ZFPM2: variants seen among roughly 807,000 people sequenced by gnomAD.
ZFPM2 encodes the protein zinc finger protein ZFPM2.
Under a neutral mutation model 98.6 loss-of-function variants are expected in ZFPM2, and 20 were observed. The ratio of observed to expected loss-of-function variants is 0.20; its 90% CI spans 0.14 to 0.29. The LOEUF is 0.29. Among genes scored for constraint, ZFPM2 ranks in the 10% least tolerant of loss-of-function variants. The pLI, the probability that ZFPM2 is intolerant of heterozygous loss-of-function variation, is 1.00. For missense variants in ZFPM2, 1,310 were observed against 1,388.6 expected (o/e 0.94, Z 0.90); for synonymous variants, 518 against 502.7 (o/e 1.03, Z -0.41).
chr8:105,552,427 A>T (rs1814878223), intron 3 of ZFPM2, among the ~76,000 whole-genome samples: 1 of 152,114 alleles, frequency 6.6e-6, no homozygotes, highest in Non-Finnish European at 1.5e-5. Flanking sequence ...GTGACACGGG[A>T]TGTTGTCTAG....
At chr8:105,570,588 T>A (rs1313267946) in intron 4 of ZFPM2, among the ~76,000 whole-genome samples, 1 of 152,164 alleles carries the variant, frequency 6.6e-6, no homozygotes, top group African/African-American at 2.4e-5. Flanking sequence ...GGTATTGAAA[T>A]GAAAACCTGA....
At chr8:105,554,945 A>G (rs1381972406) in intron 3 of ZFPM2, among the ~76,000 whole-genome samples, 2 of 152,184 alleles carry the variant, frequency 1.3e-5, no homozygotes, top group Non-Finnish European at 2.9e-5. Context: ...AGCACTTTCA[A>G]AGAAAAAATA....
chr8:105,748,667 C>T (rs534183766), intron 5 of ZFPM2, among the ~76,000 whole-genome samples: 5 of 151,830 alleles, frequency 3.3e-5, no homozygotes, highest in South Asian at 2.1e-4. Context: ...AAAATATCTC[C>T]GAAAAAAATG....
intron 3 of ZFPM2, among the ~76,000 whole-genome samples, chr8:105,534,775 A>C (rs1311639957): frequency 1.3e-5 from 2 of 152,184 alleles, no homozygotes; most frequent in African/African-American, 4.8e-5. Context: ...CCTTTGACTT[A>C]AGAGGCCTGA....
intron 3 of ZFPM2, among the ~76,000 whole-genome samples, chr8:105,558,899 T>C (rs894249959): frequency 1.8e-4 from 27 of 152,158 alleles, no homozygotes; most frequent in African/African-American, 6.5e-4. Flanking sequence ...AAATAAACTG[T>C]TTTAAATGTA....
intron 1 of ZFPM2, among the ~76,000 whole-genome samples, chr8:105,326,251 C>T (rs1343070161): frequency 6.6e-6 from 1 of 151,648 alleles, no homozygotes; most frequent in Non-Finnish European, 1.5e-5. Context: ...ACAAAATACA[C>T]ACTATTTTGC....
At chr8:105,527,171 T>G (rs1398302817) in intron 3 of ZFPM2, among the ~76,000 whole-genome samples, 2 of 152,158 alleles carry the variant, frequency 1.3e-5, no homozygotes, top group Non-Finnish European at 2.9e-5. Context: ...ACTATGGGTG[T>G]TCTTAGGGAC....
At chr8:105,527,140 G>A (rs115892467) in intron 3 of ZFPM2, among the ~76,000 whole-genome samples, 1,976 of 152,256 alleles carry the variant, frequency 0.013, 46 homozygotes, top group African/African-American at 0.045. Flanking sequence ...CCCTGAGTCT[G>A]GTTCAGACCT....
intron 2 of ZFPM2, among the ~76,000 whole-genome samples, chr8:105,435,742 G>A (rs1305282146): frequency 6.6e-6 from 1 of 151,902 alleles, no homozygotes; most frequent in African/African-American, 2.4e-5. Flanking sequence ...AAATAAAATT[G>A]TATTTATAAC....
intron 3 of ZFPM2, among the ~76,000 whole-genome samples, chr8:105,501,736 C>A (rs1335512374): frequency 6.6e-6 from 1 of 151,986 alleles, no homozygotes; most frequent in African/African-American, 2.4e-5. Flanking sequence ...CCACCCGCCT[C>A]AGCCTCCCAA....
In ZFPM2 at chr8:105,801,587, C is replaced by G; in HGVS notation, c.1505C>G (p.Ser502Cys). ...GTGGGCCCTTTCCTATCTCAGTTTTCTTTCCCCCAAGATATCACCATGGTC... is the reference window on the plus strand; with the variant it reads ...GTGGGCCCTTTCCTATCTCAGTTTTGTTTCCCCCAAGATATCACCATGGTC... ...FPVGPFLSQF[S>C]FPQDITMVPQ... The change falls in exon 8 of 8, where the codon TCT (serine) becomes TGT (cysteine). Residue 502 changes from serine (S) to cysteine (C), a missense_variant. Physicochemically the swap from Ser to Cys is moderately radical, Grantham distance 112. Coordinates refer to ENST00000407775, the MANE Select transcript of ZFPM2 (RefSeq NM_012082.4). 2 of 1,613,858 alleles carry G rather than the reference C, an allele frequency of 1.2e-6. No homozygotes were observed. Among genetic ancestry groups the G allele is most frequent in the Non-Finnish European group, 8.5e-7 (1 of 1,179,852 alleles).
intron 5 of ZFPM2, chr8:105,785,341 A>G (rs965429643): frequency 6.9e-6 from 1 of 145,952 alleles, no homozygotes; most frequent in Non-Finnish European, 1.5e-5. Flanking sequence ...ACACACGCAC[A>G]CGCACACTTG....
At chr8:105,598,066 CTTTT>C (rs76865028) in intron 4 of ZFPM2, among the ~76,000 whole-genome samples, 1 of 130,164 alleles carries the variant, frequency 7.7e-6, no homozygotes. Flanking sequence ...AAAAAAAAAC[CTTTT>C]TTTTTTTTTT....
chr8:105,410,126 T>C (rs1218563652), intron 1 of ZFPM2, among the ~76,000 whole-genome samples: 2 of 151,912 alleles, frequency 1.3e-5, no homozygotes, highest in Non-Finnish European at 2.9e-5. Flanking sequence ...GTGGGCTAGA[T>C]ACAAATTGTA....
chr8:105,670,389 G>A (rs551474619), intron 5 of ZFPM2, among the ~76,000 whole-genome samples: 1 of 151,834 alleles, frequency 6.6e-6, no homozygotes, highest in Admixed American at 6.6e-5. Flanking sequence ...CCAGCTACTC[G>A]GGAGGTTGAG....
intron 5 of ZFPM2, among the ~76,000 whole-genome samples, chr8:105,699,192 A>G (rs1811086946): frequency 6.6e-6 from 1 of 152,086 alleles, no homozygotes; most frequent in African/African-American, 2.4e-5. Flanking sequence ...TGACATATTC[A>G]TTTTCCTTTG....
chr8:105,749,506 T>A (rs1322716534), intron 5 of ZFPM2, among the ~76,000 whole-genome samples: 1 of 152,076 alleles, frequency 6.6e-6, no homozygotes, highest in Non-Finnish European at 1.5e-5. Context: ...TTTGAGAAGC[T>A]GTAGCCCCTT....
chr8:105,417,401 A>AGTGGT (rs1214543177), intron 1 of ZFPM2, among the ~76,000 whole-genome samples: 1 of 152,150 alleles, frequency 6.6e-6, no homozygotes, highest in African/African-American at 2.4e-5. Flanking sequence ...TAAATTATAC[A>AGTGGT]AATAAAAAAA....
chr8:105,442,899 G>GTTT (rs145127235), intron 2 of ZFPM2, among the ~76,000 whole-genome samples: 15 of 149,094 alleles, frequency 1.0e-4, no homozygotes, highest in African/African-American at 3.7e-4. Flanking sequence ...GAAGTTCAGT[G>GTTT]TTTTTTTTTT....
Sources: gnomAD v4.1 joint callset for allele counts (sites outside exome capture counted in the v4.1 genomes callset) on GRCh38, gnomAD v4.1.1 for gene constraint, MANE v1.5 for transcripts, NCBI Gene and HGNC (gene_info 2026-07-23, HGNC 2026-07-21) for gene names.